PCDHGB1: variants seen among roughly 807,000 people sequenced by gnomAD.
PCDHGB1 encodes the protein protocadherin gamma-B1.
PCDHGB1 carries 34 observed loss-of-function variants against 56.6 expected under a neutral mutation model. That is an observed-to-expected ratio of 0.60 (90% CI 0.46 to 0.80). The LOEUF (loss-of-function observed/expected upper bound fraction) is 0.80. Ranked by LOEUF, PCDHGB1 falls within the 30% of genes least tolerant of loss-of-function variation. The pLI, the probability that PCDHGB1 is intolerant of heterozygous loss-of-function variation, is 0.00. For synonymous variants in PCDHGB1, 561 were observed against 505.9 expected (o/e 1.11, Z -1.46); for missense variants, 1,278 against 1,204.6 (o/e 1.06, Z -0.90).
chr5:141,505,616 C>A, intron 3 of PCDHGB1, 135 bp downstream of exon 3: 1 of 1,503,160 alleles, frequency 6.7e-7, no homozygotes. Flanking sequence ...CTGAAAGGAC[C>A]CACAATTCCA....
intron 1 of PCDHGB1, among the ~76,000 whole-genome samples, chr5:141,456,703 G>T (rs528071544): frequency 1.3e-5 from 2 of 152,062 alleles, no homozygotes; most frequent in Non-Finnish European, 2.9e-5. Context: ...GGTGGCTCGC[G>T]CCTGTAATCC....
At chr5:141,456,259 C>T (rs1456888951) in intron 1 of PCDHGB1, among the ~76,000 whole-genome samples, 1 of 152,122 alleles carries the variant, frequency 6.6e-6, no homozygotes, top group Non-Finnish European at 1.5e-5. Flanking sequence ...GCGACCATTG[C>T]TTCTGGCTAC....
intron 1 of PCDHGB1, chr5:141,376,356 CA>C (rs1259525756): frequency 2.5e-6 from 4 of 1,614,228 alleles, no homozygotes; most frequent in Non-Finnish European, 1.7e-6. Context: ...CACGAGGTCT[CA>C]CTCACTGCAG....
In PCDHGB1 at chr5:141,356,748, T is replaced by C. The variant is rs1178613411; in HGVS notation, c.2409+4079T>C. On this transcript the variant is annotated intron_variant, in intron 1 of 3. Transcript: ENST00000523390. Reference sequence around the variant, plus strand: ...ACTCCAATACAGGGATCCTATATGCTCTTTGCTCCTTCGACTATGAGCAGT... The same window carrying C: ...ACTCCAATACAGGGATCCTATATGCCCTTTGCTCCTTCGACTATGAGCAGT... 3.1e-6 allele frequency: 5 copies of C among 1,613,836 alleles called. No individual in the cohort carries two copies. In the African/African-American group the frequency reaches 6.7e-5, roughly 22 times the overall value.
rs772659046 is a variant in PCDHGB1 at position 141,426,970 on chromosome 5, A to C, written c.2410-67837A>C. On this transcript the variant is annotated intron_variant, in intron 1 of 3. Coordinates refer to ENST00000523390, the MANE Select transcript of PCDHGB1 (RefSeq NM_018922.3). Reference sequence around the variant, plus strand: ...ACTGGCACTGCTGCAATTCAAATTGAGGTCACTGATGCCAACGATAATGCC... The same window carrying C: ...ACTGGCACTGCTGCAATTCAAATTGCGGTCACTGATGCCAACGATAATGCC... 72 of 456,624 alleles carry C rather than the reference A, an allele frequency of 1.6e-4. No homozygotes were observed. In the Middle Eastern group the frequency reaches 1.6e-3, roughly 10 times the overall value. The allele number at this position is 456,624 out of a possible 1,614,324, so 28.3% of individuals were successfully genotyped here. A position where few individuals can be genotyped will look rare whatever the true frequency, so the allele number is the denominator to read the frequency against.
chr5:141,413,668 G>T lies in PCDHGB1; in HGVS notation c.2409+60999G>T, dbSNP rs1286766786. ...TCCTCTCCCGGAAGCTATTGATCCG[G>T]ATGTGGGCGTGAACTCCCTGCAGAG... is the stretch of plus-strand genomic sequence containing the variant. On this transcript the variant is annotated intron_variant, in intron 1 of 3. Transcript: ENST00000523390. 6 of 1,613,754 alleles carry T rather than the reference G, an allele frequency of 3.7e-6. No homozygotes were observed. The Admixed American group carries it at 8.3e-5, about 22-fold the overall frequency.
At chr5:141,362,001 C>T in intron 1 of PCDHGB1, 3 of 1,603,878 alleles carry the variant, frequency 1.9e-6, no homozygotes, top group South Asian at 1.1e-5. Flanking sequence ...TGGGGTTGCG[C>T]ACGGGTGAGG....
At chr5:141,446,093 GA>G (rs1217618203) in intron 1 of PCDHGB1, among the ~76,000 whole-genome samples, 1 of 152,118 alleles carries the variant, frequency 6.6e-6, no homozygotes, top group Admixed American at 6.5e-5. Flanking sequence ...ATAAATGGAT[GA>G]ATTATAGATA....
intron 1 of PCDHGB1, among the ~76,000 whole-genome samples, chr5:141,386,518 A>C (rs2090605382): frequency 0.01 from 1 of 96 alleles, no homozygotes; most frequent in Non-Finnish European, 0.017. Flanking sequence ...TCTTCAAAAA[A>C]AGACTCTTTT....
intron 1 of PCDHGB1, chr5:141,413,488 C>T (rs2095648022): frequency 3.1e-6 from 5 of 1,613,868 alleles, no homozygotes; most frequent in Non-Finnish European, 3.4e-6. Context: ...TCAGAGCGCG[C>T]GGTGCGTGGT....
intron 1 of PCDHGB1, chr5:141,419,308 C>G: frequency 6.2e-7 from 1 of 1,614,026 alleles, no homozygotes; most frequent in Non-Finnish European, 8.5e-7. Flanking sequence ...ACTTCGGGCT[C>G]AACGGCCGTG....
intron 1 of PCDHGB1, chr5:141,359,904 T>C (rs1246134687): frequency 3.7e-5 from 15 of 410,546 alleles, no homozygotes; most frequent in Admixed American, 4.0e-5. Context: ...TGACAAGCCA[T>C]TAGTGCAGTT....
At chr5:141,510,873 T>A in intron 3 of PCDHGB1, 74 bp from the exon 4 acceptor site, 1 of 1,609,964 alleles carries the variant, frequency 6.2e-7, no homozygotes, top group Non-Finnish European at 8.5e-7. Flanking sequence ...ATTCATTAAC[T>A]GCTGGGGATA....
chr5:141,360,607 CT>C, intron 1 of PCDHGB1: 1 of 1,614,018 alleles, frequency 6.2e-7, no homozygotes, highest in Middle Eastern at 1.7e-4. Flanking sequence ...TGACCCAGCC[CT>C]GGATTCAGAT....
intron 1 of PCDHGB1, chr5:141,377,280 AT>A (rs1037514714): frequency 2.0e-5 from 3 of 151,272 alleles, no homozygotes; most frequent in East Asian, 1.9e-4. Context: ...GGGAAAAAAA[AT>A]AACCTTAATT....
In PCDHGB1 at chr5:141,351,991, C is replaced by G. The variant is rs769411499; in HGVS notation, c.1731C>G (p.Ala577=). Residue 577 remains alanine, a synonymous_variant, in exon 1 of 4, where the codon GCC becomes GCG. Coordinates refer to ENST00000523390, the MANE Select transcript of PCDHGB1 (RefSeq NM_018922.3). The stretch of plus-strand genomic sequence containing the variant: ...CCCTCTTCGATATGGTGCCACGCGC[C>G]GCAGAGCCCGGCTACCTGGTGACCA... ...GSALFDMVPR[A]AEPGYLVTKV... 3.1e-6 allele frequency: 5 copies of G among 1,610,778 alleles called. No homozygotes were observed. The highest frequency in any genetic ancestry group is 1.7e-6 in the Non-Finnish European group (2 of 1,179,534).
intron 1 of PCDHGB1, chr5:141,384,274 G>T (rs1396743546): frequency 6.2e-7 from 1 of 1,613,704 alleles, no homozygotes; most frequent in East Asian, 2.2e-5. Flanking sequence ...ATCCTACTCA[G>T]TCTACATCGC....
At position 141,494,820 on chromosome 5, in the gene PCDHGB1, A is replaced by G; in HGVS notation, c.2423A>G (p.Asn808Ser). ...TTTTCTCCACAGCAAGCCCCGCCCA[A>G]CACGGACTGGCGTTTCTCTCAGGCC... ...PSLSSHQAPP[N>S]TDWRFSQAQR... Residue 808 changes from asparagine to serine, a missense_variant, in exon 2 of 4, where the codon AAC becomes AGC. By Grantham distance (46) the Asn-to-Ser change is conservative. Transcript: ENST00000523390. 1.2e-6 allele frequency: 2 copies of G among 1,613,988 alleles called. No individual in the cohort carries two copies. Among genetic ancestry groups the G allele is most frequent in the Middle Eastern group, 1.6e-4 (1 of 6,062 alleles).
chr5:141,478,724 G>T, intron 1 of PCDHGB1: 2 of 1,542,774 alleles, frequency 1.3e-6, no homozygotes, highest in Non-Finnish European at 1.8e-6. Context: ...TGGCCTGCCA[G>T]AGTGTGGTTT....
Sources: gnomAD v4.1 joint callset for allele counts (sites outside exome capture counted in the v4.1 genomes callset) on GRCh38, gnomAD v4.1.1 for gene constraint, MANE v1.5 for transcripts, NCBI Gene and HGNC (gene_info 2026-07-23, HGNC 2026-07-21) for gene names.